Variants in A2ML1 observed in about 807,000 individuals in gnomAD.
A2ML1 encodes alpha-2-macroglobulin-like protein 1.
In A2ML1, 161 loss-of-function variants were observed where a neutral mutation model predicts 181.9. The ratio of observed to expected loss-of-function variants is 0.89; its 90% CI spans 0.78 to 1.01. The LOEUF (loss-of-function observed/expected upper bound fraction) is 1.01, where lower values mean the gene tolerates loss of function less well. Ranked by LOEUF, A2ML1 falls within the 50% of genes least tolerant of loss-of-function variation. A2ML1 has a pLI of 0.00. For missense variants in A2ML1, 1,670 were observed against 1,768.1 expected (o/e 0.94, Z 1.00); for synonymous variants, 663 against 666.8 (o/e 0.99, Z 0.09).
rs1565458120 is a variant in A2ML1, at chr12:8,823,292, C to A, written c.173C>A (p.Thr58Asn). The A allele has an allele frequency of 6.2e-7, 1 of 1,613,932 alleles. No individual in the cohort carries two copies. The highest frequency in any genetic ancestry group is 1.3e-5 in the African/African-American group (1 of 74,848). ...SDVKFTVTLE[T>N]KDKTQKLLEY... ...GTTAAATTCACGGTTACTCTGGAGA[C>A]CAAGGACAAGACCCAGAAGTTGCTA... Residue 58 changes from threonine to asparagine, a missense_variant, in exon 2 of 36, where the codon ACC becomes AAC. By Grantham distance (65) the Thr-to-Asn change is moderately conservative (BLOSUM62 0). Coordinates refer to ENST00000299698, the MANE Select transcript of A2ML1 (RefSeq NM_144670.6).
intron 12 of A2ML1, chr12:8,845,086 G>A (rs1275924840): frequency 6.9e-6 from 10 of 1,444,760 alleles, no homozygotes; most frequent in Non-Finnish European, 9.1e-6. Context: ...AAACACTTAT[G>A]AGGATAGATT....
At chr12:8,880,688 A>G (rs1310078693), downstream of A2ML1, 1 of 152,194 alleles carries the variant, frequency 6.6e-6, no homozygotes. Context: ...TAGCTGATAG[A>G]ATCAGGAAGA....
rs1199328904 is a variant in A2ML1 at position 8,861,285 on chromosome 12, G to GCTAT, written c.3492_3495dup (p.Ile1166TyrfsTer24). 6.2e-6 allele frequency: 10 copies of GCTAT among 1,613,856 alleles called. No individual in the cohort carries two copies. Among genetic ancestry groups the GCTAT allele is most frequent in the Non-Finnish European group, 8.5e-6 (10 of 1,180,018 alleles). The stretch of plus-strand genomic sequence containing the variant: ...TCTCCTTAAACAGTTAGATCAACAG[G>GCTAT]CTATCATCTCAGGTATGTTGGTCCT... On this transcript the variant is annotated frameshift_variant, in exon 28 of 36. Coordinates refer to ENST00000299698, the MANE Select transcript of A2ML1 (RefSeq NM_144670.6). LOFTEE classifies it high-confidence loss of function.
chr12:8,835,751 C>T (rs973793006), intron 6 of A2ML1, 85 bp downstream of exon 6: 39 of 1,542,954 alleles, frequency 2.5e-5, no homozygotes, highest in Admixed American at 2.4e-4. Flanking sequence ...CAGTGGCTCA[C>T]GCCTGTAATC....
In A2ML1 at chr12:8,823,192, G is replaced by A. The variant is rs772906952; in HGVS notation, c.73G>A (p.Val25Met). 3.1e-5 allele frequency: 50 copies of A among 1,613,402 alleles called. No homozygotes were observed. Among genetic ancestry groups the A allele is most frequent in the Admixed American group, 1.7e-4 (10 of 59,840 alleles). ...CTGCTCCTTTAATAGAAACTACCTG[G>A]TGACATTACCAGCCCGGCTAAATTT... ...AIAEELPNYL[V>M]TLPARLNFPS... is the part of the protein sequence containing the mutation. Residue 25 changes from valine to methionine, a missense_variant, in exon 2 of 36, where the codon GTG becomes ATG. Coordinates refer to ENST00000299698, the MANE Select transcript of A2ML1 (RefSeq NM_144670.6).
chr12:8,854,119 T>G lies in A2ML1; in HGVS notation c.2591-9T>G. 1.3e-6 allele frequency: 2 copies of G among 1,570,030 alleles called. No homozygotes were observed. The highest frequency in any genetic ancestry group is 1.7e-6 in the Non-Finnish European group (2 of 1,156,088). ...TAGGGCTAATGGCTTCCCTTCTTCT[T>G]TCTCTCAGGTCACATTAACTTTACT... On this transcript the variant is annotated splice_polypyrimidine_tract_variant and intron_variant, in intron 20 of 35. Transcript: ENST00000299698.
intron 5 of A2ML1, chr12:8,834,919 C>T (rs897005662): frequency 2.9e-5 from 16 of 549,378 alleles, no homozygotes; most frequent in Middle Eastern, 4.8e-4. Flanking sequence ...ATGACTACAC[C>T]GCTCTCTCAT....
At chr12:8,839,742 TTTTTGTTTTG>T (rs765219464) in intron 10 of A2ML1, among the ~76,000 whole-genome samples, 9 of 152,220 alleles carry the variant, frequency 5.9e-5, no homozygotes, top group African/African-American at 9.6e-5. Flanking sequence ...TTTCTTTCTG[TTTTTGTTTTG>T]TTTTGTTTTG....
chr12:8,842,376 G>A (rs943764571), intron 11 of A2ML1, among the ~76,000 whole-genome samples: 7 of 143,792 alleles, frequency 4.9e-5, no homozygotes, highest in East Asian at 5.6e-4. Flanking sequence ...CTGCCACCAC[G>A]CCCGGCTAAT....
At chr12:8,865,861 A>G (rs749086009) in intron 29 of A2ML1, among the ~76,000 whole-genome samples, 1 of 152,314 alleles carries the variant, frequency 6.6e-6, no homozygotes, top group East Asian at 1.9e-4. Flanking sequence ...AATCACTTTG[A>G]TGAGGCTACA....
intron 28 of A2ML1, among the ~76,000 whole-genome samples, chr12:8,862,374 G>C (rs774844175): frequency 8.6e-5 from 13 of 151,870 alleles, no homozygotes. Flanking sequence ...GCTAATCTTT[G>C]TATTTTTAGT....
In A2ML1 at chr12:8,860,893, G is replaced by A; in HGVS notation, c.3277G>A (p.Asp1093Asn). 6.2e-7 allele frequency: 1 copy of A among 1,614,018 alleles called. No individual in the cohort carries two copies. The highest frequency in any genetic ancestry group is 1.1e-5 in the South Asian group (1 of 91,078). ...TGTTTGCCTCTAGGGTGGTGTTGAT[G>A]ATGAGGTCTCCTTGACTGCGTATGT... ...LHTAMKGGVD[D>N]EVSLTAYVTA... The change falls in exon 27 of 36, where the codon GAT (aspartate) becomes AAT (asparagine). Residue 1093 changes from aspartate (D) to asparagine (N), a missense_variant. By Grantham distance (23) the Asp-to-Asn change is conservative (BLOSUM62 1). Transcript: ENST00000299698.
chr12:8,847,645 G>A lies in A2ML1; in HGVS notation c.1780G>A (p.Val594Met), dbSNP rs201527641. The A allele has an allele frequency of 4.9e-5, 79 of 1,613,738 alleles. No homozygotes were observed. In the African/African-American group the frequency reaches 1.0e-3, roughly 21 times the overall value. Residue 594 changes from valine to methionine, a missense_variant, in exon 15 of 36, where the codon GTG becomes ATG. Transcript: ENST00000299698. ...APGSLCALRA[V>M]DESVLLLRPD... ...CGGATCCCTGTGTGCGCTCCGGGCG[G>A]TGGATGAGAGTGTCTTACTGCTTAG...
downstream of A2ML1, among the ~76,000 whole-genome samples, chr12:8,876,975 C>G (rs1358277252): frequency 6.6e-6 from 1 of 152,122 alleles, no homozygotes; most frequent in Non-Finnish European, 1.5e-5. Context: ...CTCTGCTCAA[C>G]CAGCCCGCTA....
chr12:8,854,175 C>T lies in A2ML1; in HGVS notation c.2638C>T (p.Pro880Ser), dbSNP rs769358024. Reference protein sequence around the residue: ...ISTKILDSNEPCGGQKGFVPQ... With the variant: ...ISTKILDSNESCGGQKGFVPQ... ...TACAAAGATTCTGGACAGCAATGAACCATGTGGGGGCCAGAAGGGGTTTGT... is the reference window on the plus strand; with the variant it reads ...TACAAAGATTCTGGACAGCAATGAATCATGTGGGGGCCAGAAGGGGTTTGT... The change falls in exon 21 of 36, where the codon CCA becomes TCA. Residue 880 changes from proline to serine, a missense_variant. Physicochemically the swap from Pro to Ser is moderately conservative, Grantham distance 74. Coordinates refer to ENST00000299698, the MANE Select transcript of A2ML1 (RefSeq NM_144670.6). 1.9e-6 allele frequency: 3 copies of T among 1,608,134 alleles called. No individual in the cohort carries two copies. Among genetic ancestry groups the T allele is most frequent in the Non-Finnish European group, 1.7e-6 (2 of 1,176,986 alleles).
chr12:8,851,894 T>A lies in A2ML1; in HGVS notation c.2345T>A (p.Val782Asp). ...QSRGFGLSPT[V>D]GLTAFKPFFV... ...AGAGGCTTCGGGCTTTCACCCACTGTTGGACTAACTGCTTTCAAGCCGTTC... is the reference window on the plus strand; with the variant it reads ...AGAGGCTTCGGGCTTTCACCCACTGATGGACTAACTGCTTTCAAGCCGTTC... Residue 782 changes from valine to aspartate, a missense_variant, in exon 19 of 36, where the codon GTT becomes GAT. Val to Asp is a radical substitution (Grantham distance 152). Coordinates refer to ENST00000299698, the MANE Select transcript of A2ML1 (RefSeq NM_144670.6). 6.2e-7 allele frequency: 1 copy of A among 1,614,206 alleles called. No individual in the cohort carries two copies. Among genetic ancestry groups the A allele is most frequent in the Non-Finnish European group, 8.5e-7 (1 of 1,180,038 alleles).
intron 7 of A2ML1, among the ~76,000 whole-genome samples, chr12:8,883,292 C>T (rs1460878906): frequency 3.3e-5 from 5 of 152,136 alleles, no homozygotes; most frequent in Admixed American, 3.3e-4. Flanking sequence ...TCCCCACCAC[C>T]ACACCCCATT....
At chr12:8,836,878 C>T (rs952684342) in intron 7 of A2ML1, among the ~76,000 whole-genome samples, 2 of 152,090 alleles carry the variant, frequency 1.3e-5, no homozygotes, top group Non-Finnish European at 2.9e-5. Flanking sequence ...AATATTGAAT[C>T]CCATAGATAA....
At chr12:8,828,827 G>A (rs767348258) in intron 3 of A2ML1, among the ~76,000 whole-genome samples, 7 of 152,276 alleles carry the variant, frequency 4.6e-5, no homozygotes, top group South Asian at 2.1e-4. Flanking sequence ...GCTTCCAACC[G>A]CTGGGATGGG....
Sources: gnomAD v4.1 joint callset for allele counts (sites outside exome capture counted in the v4.1 genomes callset) on GRCh38, gnomAD v4.1.1 for gene constraint, MANE v1.5 for transcripts, NCBI Gene and HGNC (gene_info 2026-07-23, HGNC 2026-07-21) for gene names.